Variants in BHLHE41 observed in about 807,000 individuals in gnomAD.
The protein encoded by BHLHE41 is basic helix-loop-helix family member e41.
A neutral mutation model predicts 24.0 loss-of-function variants in BHLHE41; 14 were observed. The ratio of observed to expected loss-of-function variants is 0.58; its 90% CI spans 0.39 to 0.91. The LOEUF (loss-of-function observed/expected upper bound fraction) is 0.91. BHLHE41 is among the 40% of genes least tolerant of loss of function. The pLI, the probability that BHLHE41 is intolerant of heterozygous loss-of-function variation, is 0.00. For missense variants in BHLHE41, 674 were observed against 655.4 expected (o/e 1.03, Z -0.31); for synonymous variants, 394 against 315.5 (o/e 1.25, Z -2.64).
rs2137390958 is a variant in BHLHE41 at position 26,124,999 on chromosome 12, A to C, written c.-220T>G. On this transcript the variant is annotated 5_prime_UTR_variant, in exon 1 of 5. Coordinates refer to ENST00000242728, the MANE Select transcript of BHLHE41 (RefSeq NM_030762.3). ...ACACACGCACACTCGCGCCGGCCCC[A>C]CTGCGCTGGTAGTTTGCTCTCACTC... 4.4e-5 allele frequency: 28 copies of C among 633,516 alleles called. No homozygotes were observed. The South Asian group carries it at 5.0e-4, about 11-fold the overall frequency. The allele number at this position is 633,516 out of a possible 1,614,324, so 39.2% of individuals were successfully genotyped here. A position where few individuals can be genotyped will look rare whatever the true frequency, so the allele number is the denominator to read the frequency against.
chr12:26,124,049 A>T, intron 3 of BHLHE41, 23 bp downstream of exon 3: 1 of 1,482,236 alleles, frequency 6.7e-7, no homozygotes. Context: ...GAGAGCAGCA[A>T]AGAATGAAAA....
chr12:26,121,049 T>A lies in BHLHE41; in HGVS notation c.*1017A>T, dbSNP rs535167363. On this transcript the variant is annotated 3_prime_UTR_variant, in exon 5 of 5. Coordinates refer to ENST00000242728, the MANE Select transcript of BHLHE41 (RefSeq NM_030762.3). ...AGGATATATCAGTTTGGACTTGTTT[T>A]TTGTTGTTGTTGTTTTTTGTTTTGT... 1 of 152,674 alleles carries A rather than the reference T, an allele frequency of 6.5e-6. No individual in the cohort carries two copies. Among genetic ancestry groups the A allele is most frequent in the Non-Finnish European group, 1.5e-5 (1 of 68,036 alleles). 9.5% of individuals were successfully genotyped at this position (152,674 alleles called of 1,614,324 possible). A position where few individuals can be genotyped will look rare whatever the true frequency, so the allele number is the denominator to read the frequency against.
rs767431299 is a variant in BHLHE41 at position 26,120,443 on chromosome 12, A to T, written c.*1623T>A. 51 of 152,706 alleles carry T rather than the reference A, an allele frequency of 3.3e-4. No individual in the cohort carries two copies. The highest frequency in any genetic ancestry group is 4.4e-4 in the Non-Finnish European group (30 of 68,018). 9.5% of individuals were successfully genotyped at this position (152,706 alleles called of 1,614,324 possible). ...TCTCACAGACAGTATTTATTTTTTT[A>T]AAATAATTTAAGACAGCATAAGCTT... On this transcript the variant is annotated 3_prime_UTR_variant, in exon 5 of 5. Transcript: ENST00000242728.
Position 26,123,754 on chromosome 12 carries a change from A to G in BHLHE41, c.235-13T>C. On this transcript the variant is annotated splice_polypyrimidine_tract_variant and intron_variant, in intron 3 of 4. Transcript: ENST00000242728. Reference sequence around the variant, plus strand: ...GATGTCCCAGAGTCTGCAGTGGTGCAAAAAAGAAACGGGCACTTGGTTACT... The same window carrying G: ...GATGTCCCAGAGTCTGCAGTGGTGCGAAAAAGAAACGGGCACTTGGTTACT... The G allele has an allele frequency of 6.4e-7, 1 of 1,572,288 alleles. No homozygotes were observed. Among genetic ancestry groups the G allele is most frequent in the Non-Finnish European group, 8.8e-7 (1 of 1,141,850 alleles).
chr12:26,122,294 G>GCC lies in BHLHE41; in HGVS notation c.1220_1221insGG (p.Ala409ProfsTer95). ...ACAGGCAGGGGAACGCGGCGGCGGC[G>GCC]GCGGCAGCGGCGGCGGCGGCTGCCG... is the stretch of plus-strand genomic sequence containing the variant. On this transcript the variant is annotated frameshift_variant, in exon 5 of 5. Coordinates refer to ENST00000242728, the MANE Select transcript of BHLHE41 (RefSeq NM_030762.3). LOFTEE classifies it high-confidence loss of function. 3 of 1,188,300 alleles carry GCC rather than the reference G, an allele frequency of 2.5e-6. No homozygotes were observed. The highest frequency in any genetic ancestry group is 3.1e-6 in the Non-Finnish European group (3 of 960,954). The allele number at this position is 1,188,300 out of a possible 1,614,324, so 73.6% of individuals were successfully genotyped here.
chr12:26,122,459 GC>G lies in BHLHE41; in HGVS notation c.1055del (p.Cys352SerfsTer151). On this transcript the variant is annotated frameshift_variant, in exon 5 of 5. Transcript: ENST00000242728. LOFTEE classifies it high-confidence loss of function. ...AAAAPFCLPF[C>X]FLSPSAAAAY... ...CGGCAGCTGCAGAAGGCGAGAGGAA[GC>G]AGAAGGGCAGGCAGAAGGGGGCCGC... 2 of 1,353,264 alleles carry G rather than the reference GC, an allele frequency of 1.5e-6. No individual in the cohort carries two copies. Among genetic ancestry groups the G allele is most frequent in the South Asian group, 1.6e-5 (1 of 61,120 alleles). The allele number at this position is 1,353,264 out of a possible 1,614,324, so 83.8% of individuals were successfully genotyped here. A position where few individuals can be genotyped will look rare whatever the true frequency, so the allele number is the denominator to read the frequency against.
In BHLHE41 at chr12:26,122,528, G is replaced by C. The variant is rs759277926; in HGVS notation, c.987C>G (p.Phe329Leu). 2.7e-5 allele frequency: 34 copies of C among 1,279,194 alleles called. No individual in the cohort carries two copies. Among genetic ancestry groups the C allele is most frequent in the Non-Finnish European group, 3.2e-5 (32 of 1,002,528 alleles). 79.2% of individuals were successfully genotyped at this position (1,279,194 alleles called of 1,614,324 possible). The change falls in exon 5 of 5, where the codon TTC becomes TTG. Residue 329 changes from phenylalanine to leucine, a missense_variant. Physicochemically the swap from Phe to Leu is conservative, Grantham distance 22 (BLOSUM62 0). Transcript: ENST00000242728. ...GGAAGGGCGCGCCTCCGCCTCCGCC[G>C]AACGCCACCAGCGAGCTGAGCAGGG... Reference protein sequence around the residue: ...DAALLSSLVAFGGGGGAPFPQ... With the variant: ...DAALLSSLVALGGGGGAPFPQ...
Position 26,124,994 on chromosome 12 carries a change from GC to G in BHLHE41, c.-216del. 1 of 635,904 alleles carries G rather than the reference GC, an allele frequency of 1.6e-6. No individual in the cohort carries two copies. The highest frequency in any genetic ancestry group is 2.9e-6 in the Non-Finnish European group (1 of 350,784). The allele number at this position is 635,904 out of a possible 1,614,324, so 39.4% of individuals were successfully genotyped here. A position where few individuals can be genotyped will look rare whatever the true frequency, so the allele number is the denominator to read the frequency against. ...CGCACACACACGCACACTCGCGCCG[GC>G]CCCACTGCGCTGGTAGTTTGCTCTC... On this transcript the variant is annotated 5_prime_UTR_variant, in exon 1 of 5. Transcript: ENST00000242728.
In BHLHE41 at chr12:26,122,585, G is replaced by A; in HGVS notation, c.930C>T (p.Ala310=). The stretch of plus-strand genomic sequence containing the variant: ...CGGGTCTCAGCAGCGCGGCCGCGGC[G>A]GCAGGGTCGGGCCCCAGAAGCGCGG... ...AAAALLGPDP[A]AAAALLRPDA... The change falls in exon 5 of 5, where the codon GCC becomes GCT. Residue 310 remains alanine, a synonymous_variant. Transcript: ENST00000242728. 9.0e-7 allele frequency: 1 copy of A among 1,106,888 alleles called. No homozygotes were observed. Among genetic ancestry groups the A allele is most frequent in the Non-Finnish European group, 1.1e-6 (1 of 910,064 alleles). 68.6% of individuals were successfully genotyped at this position (1,106,888 alleles called of 1,614,324 possible). A position where few individuals can be genotyped will look rare whatever the true frequency, so the allele number is the denominator to read the frequency against.
In BHLHE41 at chr12:26,121,898, A is replaced by G. The variant is rs1944308559; in HGVS notation, c.*168T>C. On this transcript the variant is annotated 3_prime_UTR_variant, in exon 5 of 5. Transcript: ENST00000242728. The stretch of plus-strand genomic sequence containing the variant: ...TGAGCAAAACAGGAACTCCGAATGT[A>G]CACATAACACCTGTTTTGTTGTTCT... The G allele has an allele frequency of 4.6e-6, 7 of 1,505,492 alleles. No individual in the cohort carries two copies. The South Asian group carries it at 7.4e-5, about 16-fold the overall frequency. 93.3% of individuals were successfully genotyped at this position (1,505,492 alleles called of 1,614,324 possible).
chr12:26,122,400 A>G lies in BHLHE41; in HGVS notation c.1115T>C (p.Leu372Pro). The part of the protein sequence containing the change: ...YVQPFLDKSG[L>P]EKYLYPAAAA... ...CGCCGCCGGGTACAGATACTTCTCC[A>G]GGCCGCTCTTGTCCAGGAAGGGCTG... The change falls in exon 5 of 5, where the codon CTG becomes CCG. Residue 372 changes from leucine to proline, a missense_variant. Physicochemically the swap from Leu to Pro is moderately conservative, Grantham distance 98. Coordinates refer to ENST00000242728, the MANE Select transcript of BHLHE41 (RefSeq NM_030762.3). The G allele has an allele frequency of 7.8e-7, 1 of 1,283,178 alleles. No homozygotes were observed. The allele number at this position is 1,283,178 out of a possible 1,614,324, so 79.5% of individuals were successfully genotyped here.
In BHLHE41 at chr12:26,122,471, G is replaced by A. The variant is rs1176479634; in HGVS notation, c.1044C>T (p.Cys348=). 4 of 1,345,022 alleles carry A rather than the reference G, an allele frequency of 3.0e-6. No individual in the cohort carries two copies. Among genetic ancestry groups the A allele is most frequent in the South Asian group, 3.3e-5 (2 of 60,372 alleles). The allele number at this position is 1,345,022 out of a possible 1,614,324, so 83.3% of individuals were successfully genotyped here. A position where few individuals can be genotyped will look rare whatever the true frequency, so the allele number is the denominator to read the frequency against. Residue 348 remains cysteine, a synonymous_variant, in exon 5 of 5, where the codon TGC becomes TGT. Transcript: ENST00000242728. The part of the protein sequence containing the change: ...PQPAAAAAPF[C]LPFCFLSPSA... Reference sequence around the variant, plus strand: ...AAGGCGAGAGGAAGCAGAAGGGCAGGCAGAAGGGGGCCGCGGCGGCCGCGG... The same window carrying A: ...AAGGCGAGAGGAAGCAGAAGGGCAGACAGAAGGGGGCCGCGGCGGCCGCGG...
Position 26,121,806 on chromosome 12 carries a change from A to C in BHLHE41, c.*260T>G. ...AAAAAAGAGCCAGTGTCTTTCGCAT[A>C]GGATCTTTTACAGCTGGTGGGGGGA... On this transcript the variant is annotated 3_prime_UTR_variant, in exon 5 of 5. Transcript: ENST00000242728. 1.3e-6 allele frequency: 1 copy of C among 764,694 alleles called. No individual in the cohort carries two copies. Among genetic ancestry groups the C allele is most frequent in the Non-Finnish European group, 1.9e-6 (1 of 534,830 alleles). 47.4% of individuals were successfully genotyped at this position (764,694 alleles called of 1,614,324 possible). A position where few individuals can be genotyped will look rare whatever the true frequency, so the allele number is the denominator to read the frequency against.
Position 26,124,376 on chromosome 12 carries a change from A to G in BHLHE41, c.126+143T>C, listed in dbSNP as rs1257203283. ...GTATGATGTTTAATATCCCCCTGAG[A>G]GTACCCAGCAAGCCACTTAAAATTC... On this transcript the variant is annotated intron_variant, in intron 2 of 4. Coordinates refer to ENST00000242728, the MANE Select transcript of BHLHE41 (RefSeq NM_030762.3). The G allele has an allele frequency of 4.3e-6, 4 of 938,670 alleles. No homozygotes were observed. In the African/African-American group the frequency reaches 6.6e-5, roughly 15 times the overall value. 58.1% of individuals were successfully genotyped at this position (938,670 alleles called of 1,614,324 possible). A position where few individuals can be genotyped will look rare whatever the true frequency, so the allele number is the denominator to read the frequency against.
Position 26,124,508 on chromosome 12 carries a change from C to CT in BHLHE41, c.126+10dup, listed in dbSNP as rs753117602. 8.7e-6 allele frequency: 14 copies of CT among 1,613,422 alleles called. No homozygotes were observed. The highest frequency in any genetic ancestry group is 5.0e-5 in the Admixed American group (3 of 59,996). On this transcript the variant is annotated intron_variant, in intron 2 of 4. Transcript: ENST00000242728. Reference sequence around the variant, plus strand: ...TGCAGGTTATGAGGAATATCGGGAACTTACACTTACCTTGGTGTCGTCTCG... The same window carrying CT: ...TGCAGGTTATGAGGAATATCGGGAACTTTACACTTACCTTGGTGTCGTCTCG...
At position 26,122,439 on chromosome 12, in the gene BHLHE41, G is replaced by C; in HGVS notation, c.1076C>G (p.Ala359Gly). Residue 359 changes from alanine (A) to glycine (G), a missense_variant, in exon 5 of 5, where the codon GCT becomes GGT. By Grantham distance (60) the Ala-to-Gly change is moderately conservative (BLOSUM62 0). Transcript: ENST00000242728. ...CAGGAAGGGCTGCACGTAGGCGGCA[G>C]CTGCAGAAGGCGAGAGGAAGCAGAA... is the stretch of plus-strand genomic sequence containing the variant. The part of the protein sequence containing the change: ...LPFCFLSPSA[A>G]AAYVQPFLDK... The C allele has an allele frequency of 7.4e-7, 1 of 1,356,004 alleles. No individual in the cohort carries two copies. Among genetic ancestry groups the C allele is most frequent in the East Asian group, 3.3e-5 (1 of 30,608 alleles). 84.0% of individuals were successfully genotyped at this position (1,356,004 alleles called of 1,614,324 possible).
In BHLHE41 at chr12:26,125,023, T is replaced by C. The variant is rs1427116960; in HGVS notation, c.-244A>G. On this transcript the variant is annotated 5_prime_UTR_variant, in exon 1 of 5. Transcript: ENST00000242728. ...CACTGCGCTGGTAGTTTGCTCTCACTCCAGGCAGTGTTTGGCCACAGGGCA... is the reference window on the plus strand; with the variant it reads ...CACTGCGCTGGTAGTTTGCTCTCACCCCAGGCAGTGTTTGGCCACAGGGCA... The C allele has an allele frequency of 1.5e-5, 9 of 589,724 alleles. No homozygotes were observed. The highest frequency in any genetic ancestry group is 1.3e-4 in the African/African-American group (7 of 53,998). 36.5% of individuals were successfully genotyped at this position (589,724 alleles called of 1,614,324 possible).
At position 26,120,954 on chromosome 12, in the gene BHLHE41, C is replaced by G. The variant is rs1052558372; in HGVS notation, c.*1112G>C. ...GGCCTCACAGGACTTCATTCTATATCTTTACAGCATTTGCAATCAAAACTG... is the reference window on the plus strand; with the variant it reads ...GGCCTCACAGGACTTCATTCTATATGTTTACAGCATTTGCAATCAAAACTG... On this transcript the variant is annotated 3_prime_UTR_variant, in exon 5 of 5. Coordinates refer to ENST00000242728, the MANE Select transcript of BHLHE41 (RefSeq NM_030762.3). 3.3e-5 allele frequency: 5 copies of G among 152,770 alleles called. No homozygotes were observed. In the East Asian group the frequency reaches 7.7e-4, roughly 24 times the overall value. The allele number at this position is 152,770 out of a possible 1,614,324, so 9.5% of individuals were successfully genotyped here.
Position 26,122,413 on chromosome 12 carries a change from C to G in BHLHE41, c.1102G>C (p.Asp368His). 7.6e-7 allele frequency: 1 copy of G among 1,312,802 alleles called. No homozygotes were observed. The highest frequency in any genetic ancestry group is 9.8e-7 in the Non-Finnish European group (1 of 1,021,298). 81.3% of individuals were successfully genotyped at this position (1,312,802 alleles called of 1,614,324 possible). ...AAAAYVQPFL[D>H]KSGLEKYLYP... is the part of the protein sequence containing the mutation. ...AGATACTTCTCCAGGCCGCTCTTGT[C>G]CAGGAAGGGCTGCACGTAGGCGGCA... The change falls in exon 5 of 5, where the codon GAC becomes CAC. Residue 368 changes from aspartate to histidine, a missense_variant. Physicochemically the swap from Asp to His is moderately conservative, Grantham distance 81. Coordinates refer to ENST00000242728, the MANE Select transcript of BHLHE41 (RefSeq NM_030762.3).
Sources: gnomAD v4.1 joint callset for allele counts on GRCh38, gnomAD v4.1.1 for gene constraint, MANE v1.5 for transcripts, NCBI Gene and HGNC (gene_info 2026-07-23, HGNC 2026-07-21) for gene names.